The following EHBP1 variants were observed in gnomAD, a reference collection of about 807,000 sequenced individuals.
EHBP1 encodes EH domain-binding protein 1.
EHBP1 carries 55 observed loss-of-function variants against 144.0 expected under a neutral mutation model. The observed-to-expected ratio is 0.38, with a 90% CI of 0.31 to 0.48. EHBP1 has a LOEUF of 0.48. Ranked by LOEUF, EHBP1 falls within the 20% of genes least tolerant of loss-of-function variation. The pLI is 0.98. For synonymous variants in EHBP1, 469 were observed against 472.7 expected, an observed-to-expected ratio of 0.99 and a Z score of 0.10; for missense variants, 1,200 against 1,364.2, an observed-to-expected ratio of 0.88 and a Z score of 1.90.
At position 62,968,095 on chromosome 2, in the gene EHBP1, C is replaced by T. The variant is rs534901337; in HGVS notation, c.2461-11093C>T. On this transcript the variant is annotated intron_variant, in intron 14 of 22. Transcript: ENST00000431489. ...CTAAGGTATTTCTGAGCTCTGCCCA[C>T]CCCATCACTGTTGTCAAACTGATAT... is the stretch of plus-strand genomic sequence containing the variant. 2.0e-5 allele frequency among the ~76,000 whole-genome samples: 3 copies of T among 152,230 alleles called. No individual in the cohort carries two copies. The South Asian group carries it at 6.2e-4, about 32-fold the overall frequency.
chr2:62,919,736 A>G (rs1226036929), intron 10 of EHBP1, among the ~76,000 whole-genome samples: 2 of 152,186 alleles, frequency 1.3e-5, no homozygotes, highest in Non-Finnish European at 2.9e-5. Context: ...GTAGTGTTCT[A>G]AAAGACACTC....
chr2:62,729,421 TATA>T (rs2037203821), intron 2 of EHBP1, among the ~76,000 whole-genome samples: 1 of 99,946 alleles, frequency 1.0e-5, no homozygotes, highest in Non-Finnish European at 1.9e-5. Flanking sequence ...ATAATAATAA[TATA>T]ATATAATAAT....
chr2:62,946,431 A>C (rs2057074607), intron 12 of EHBP1, among the ~76,000 whole-genome samples: 1 of 152,184 alleles, frequency 6.6e-6, no homozygotes, highest in Non-Finnish European at 1.5e-5. Flanking sequence ...TTGTTTTTAC[A>C]TAGTCTTTCC....
chr2:62,940,023 C>G (rs1204286191), intron 10 of EHBP1: 1 of 341,864 alleles, frequency 2.9e-6, no homozygotes, highest in African/African-American at 2.2e-5. Flanking sequence ...TATAAAAATC[C>G]CTGAAGAAGT....
chr2:62,834,175 C>T (rs1012156076), intron 7 of EHBP1, among the ~76,000 whole-genome samples: 4 of 152,146 alleles, frequency 2.6e-5, no homozygotes, highest in South Asian at 2.1e-4. Context: ...ATGCTGTGAA[C>T]GTTGTTGAAA....
chr2:62,996,875 G>A (rs754877849), intron 19 of EHBP1, 109 bp downstream of exon 19: 146 of 1,485,598 alleles, frequency 9.8e-5, no homozygotes, highest in Non-Finnish European at 1.2e-4. Flanking sequence ...CAGCAAAACT[G>A]CCTTGAAAAT....
intron 5 of EHBP1, among the ~76,000 whole-genome samples, chr2:62,814,534 T>A (rs997715301): frequency 2.6e-5 from 4 of 152,268 alleles, no homozygotes; most frequent in African/African-American, 9.6e-5. Flanking sequence ...TCACTTTATT[T>A]TGTGGTACCC....
At chr2:62,728,759 A>G (rs1010982198) in intron 2 of EHBP1, among the ~76,000 whole-genome samples, 2 of 152,020 alleles carry the variant, frequency 1.3e-5, no homozygotes, top group Non-Finnish European at 1.5e-5. Context: ...CTATTAATAC[A>G]TTAATAATAT....
intron 15 of EHBP1, among the ~76,000 whole-genome samples, chr2:62,981,352 A>T (rs1280987803): frequency 2.6e-5 from 4 of 152,182 alleles, no homozygotes; most frequent in African/African-American, 9.7e-5. Flanking sequence ...AAAACACCAT[A>T]TTCTTATGCT....
intron 10 of EHBP1, among the ~76,000 whole-genome samples, chr2:62,911,374 T>C (rs1375332343): frequency 6.6e-6 from 1 of 152,194 alleles, no homozygotes; most frequent in Non-Finnish European, 1.5e-5. Flanking sequence ...TTGTTACTTA[T>C]TTGTTTTAGA....
intron 3 of EHBP1, among the ~76,000 whole-genome samples, chr2:62,752,387 CT>C (rs2039828681): frequency 6.6e-6 from 1 of 152,132 alleles, no homozygotes; most frequent in Admixed American, 6.6e-5. Context: ...CTGAGGAGTG[CT>C]TTACTTCCAA....
chr2:62,821,350 T>C (rs1182092467), intron 5 of EHBP1, among the ~76,000 whole-genome samples: 16 of 152,166 alleles, frequency 1.1e-4, no homozygotes. Flanking sequence ...GTAAGGAAAC[T>C]AACTTGAATA....
chr2:62,835,550 C>T (rs986132586), intron 7 of EHBP1, among the ~76,000 whole-genome samples: 3 of 152,136 alleles, frequency 2.0e-5, no homozygotes, highest in African/African-American at 4.8e-5. Flanking sequence ...ACGCAGAAGA[C>T]GGGTGATTTC....
chr2:62,751,934 G>A (rs1237186165), intron 3 of EHBP1, among the ~76,000 whole-genome samples: 1 of 151,992 alleles, frequency 6.6e-6, no homozygotes, highest in Non-Finnish European at 1.5e-5. Context: ...CAAAAAACCA[G>A]CTCCTGGATT....
chr2:62,680,384 G>A (rs982184986), intron 1 of EHBP1, among the ~76,000 whole-genome samples: 2 of 152,140 alleles, frequency 1.3e-5, no homozygotes, highest in African/African-American at 4.8e-5. Context: ...AGTCCTACAG[G>A]TAATGAGTTT....
intron 10 of EHBP1, among the ~76,000 whole-genome samples, chr2:62,925,563 C>T (rs985722517): frequency 4.0e-5 from 6 of 151,750 alleles, no homozygotes; most frequent in African/African-American, 9.7e-5. Flanking sequence ...AACTGATAAA[C>T]GAGTTCAGTA....
intron 3 of EHBP1, among the ~76,000 whole-genome samples, chr2:62,749,785 T>C (rs2152193219): frequency 6.6e-6 from 1 of 152,342 alleles, no homozygotes; most frequent in East Asian, 1.9e-4. Context: ...TGTCTTCTTT[T>C]GAGAAGTGTC....
At position 62,990,853 on chromosome 2, in the gene EHBP1, T is replaced by C. The variant is rs755074554; in HGVS notation, c.2733+13T>C. The C allele has an allele frequency of 3.7e-6, 6 of 1,601,140 alleles. No homozygotes were observed. The highest frequency in any genetic ancestry group is 1.7e-5 in the Admixed American group (1 of 57,896). ...GCAGGACATGAAAGTAAGTCTTACT[T>C]GTTTAAAACATTTGGCTTAGTATCT... On this transcript the variant is annotated intron_variant, in intron 16 of 22. Transcript: ENST00000431489.
chr2:62,891,627 T>A (rs2052467288), intron 10 of EHBP1, among the ~76,000 whole-genome samples: 1 of 152,128 alleles, frequency 6.6e-6, no homozygotes. Context: ...CTGTGGGACA[T>A]GTAAACGCTT....
Sources: gnomAD v4.1 joint callset for allele counts (sites outside exome capture counted in the v4.1 genomes callset) on GRCh38, gnomAD v4.1.1 for gene constraint, MANE v1.5 for transcripts, NCBI Gene and HGNC (gene_info 2026-07-23, HGNC 2026-07-21) for gene names.